Variants in CADPS2 observed in about 807,000 individuals in gnomAD.
The protein encoded by CADPS2 is calcium-dependent secretion activator 2.
A neutral mutation model predicts 172.5 loss-of-function variants in CADPS2; 93 were observed. The observed-to-expected ratio is 0.54, with a 90% CI of 0.46 to 0.64. The LOEUF (loss-of-function observed/expected upper bound fraction) is 0.64. Among genes scored for constraint, CADPS2 ranks in the 30% least tolerant of loss-of-function variants. The pLI is 0.00. For synonymous variants in CADPS2, 546 were observed against 555.2 expected (o/e 0.98, Z 0.23); for missense variants, 1,420 against 1,565.9 (o/e 0.91, Z 1.57).
chr7:122,384,884 G>C (rs1391256976), intron 24 of CADPS2, among the ~76,000 whole-genome samples: 1 of 152,032 alleles, frequency 6.6e-6, no homozygotes, highest in Admixed American at 6.6e-5. Flanking sequence ...TCTTACAGGG[G>C]AGGATTTTTA....
intron 7 of CADPS2, among the ~76,000 whole-genome samples, chr7:122,576,983 A>G (rs946100500): frequency 1.3e-5 from 2 of 149,566 alleles, no homozygotes; most frequent in South Asian, 4.3e-4. Context: ...CTGGTCTTGA[A>G]CTCCTGACCT....
intron 3 of CADPS2, among the ~76,000 whole-genome samples, chr7:122,650,094 A>C (rs1014319714): frequency 1.3e-5 from 2 of 151,164 alleles, no homozygotes. Context: ...TATTTTTAGT[A>C]GAGACAGGTT....
chr7:122,385,771 T>G (rs1227259284), intron 24 of CADPS2, among the ~76,000 whole-genome samples: 4 of 152,046 alleles, frequency 2.6e-5, no homozygotes, highest in Non-Finnish European at 5.9e-5. Context: ...GTATCACTGG[T>G]GGGCTTGTAC....
At chr7:122,612,796 T>C (rs1213203192) in intron 6 of CADPS2, among the ~76,000 whole-genome samples, 1 of 152,058 alleles carries the variant, frequency 6.6e-6, no homozygotes, top group African/African-American at 2.4e-5. Flanking sequence ...GTTACTGCAA[T>C]GGTAGAGCAA....
intron 22 of CADPS2, among the ~76,000 whole-genome samples, chr7:122,390,602 T>C (rs897844637): frequency 2.6e-5 from 4 of 152,084 alleles, no homozygotes; most frequent in African/African-American, 4.8e-5. Flanking sequence ...GCAATCTTCA[T>C]AGAGAATATG....
chr7:122,560,927 G>A (rs1050165905), intron 7 of CADPS2, among the ~76,000 whole-genome samples: 2 of 151,900 alleles, frequency 1.3e-5, no homozygotes, highest in African/African-American at 4.8e-5. Flanking sequence ...ATTAATATTT[G>A]CCCCAATATC....
At chr7:122,729,005 C>G (rs759778543) in intron 2 of CADPS2, among the ~76,000 whole-genome samples, 1 of 151,774 alleles carries the variant, frequency 6.6e-6, no homozygotes, top group Admixed American at 6.6e-5. Flanking sequence ...CCCAACCTCT[C>G]TTTACCCTCT....
chr7:122,852,239 T>C (rs2141121202), intron 1 of CADPS2, among the ~76,000 whole-genome samples: 1 of 152,356 alleles, frequency 6.6e-6, no homozygotes, highest in Non-Finnish European at 1.5e-5. Flanking sequence ...TAGGAAGGAC[T>C]CTACCTAGGA....
intron 27 of CADPS2, among the ~76,000 whole-genome samples, chr7:122,347,561 A>AT (rs1394844774): frequency 6.6e-6 from 1 of 152,144 alleles, no homozygotes; most frequent in African/African-American, 2.4e-5. Context: ...TAACTATATA[A>AT]ATGTCTTTAC....
chr7:122,562,851 A>C (rs1416721002), intron 7 of CADPS2, among the ~76,000 whole-genome samples: 1 of 152,136 alleles, frequency 6.6e-6, no homozygotes, highest in African/African-American at 2.4e-5. Flanking sequence ...TAATGTAGTT[A>C]AAGTTTTGAC....
intron 2 of CADPS2, among the ~76,000 whole-genome samples, chr7:122,668,292 T>C (rs2081390983): frequency 6.6e-6 from 1 of 151,344 alleles, no homozygotes; most frequent in Non-Finnish European, 1.5e-5. Flanking sequence ...AAATAAAGAA[T>C]ATAGGTGGAA....
intron 2 of CADPS2, among the ~76,000 whole-genome samples, chr7:122,673,234 T>C (rs907898016): frequency 4.6e-5 from 7 of 152,210 alleles, no homozygotes; most frequent in African/African-American, 1.4e-4. Flanking sequence ...CAGCGGGGAA[T>C]GGGACCCCAG....
chr7:122,471,714 G>A (rs2055973491), intron 13 of CADPS2, among the ~76,000 whole-genome samples, 152 bp from the exon 14 acceptor site: 1 of 152,172 alleles, frequency 6.6e-6, no homozygotes, highest in Non-Finnish European at 1.5e-5. Context: ...AAGAGCTAAT[G>A]TCATCAATTT....
chr7:122,699,456 A>G (rs763922792), intron 2 of CADPS2, among the ~76,000 whole-genome samples: 1 of 152,218 alleles, frequency 6.6e-6, no homozygotes, highest in African/African-American at 2.4e-5. Context: ...AAAAAGGATA[A>G]TTAAAAATTA....
intron 1 of CADPS2, among the ~76,000 whole-genome samples, chr7:122,778,902 A>C (rs2093963174): frequency 1.3e-5 from 2 of 152,202 alleles, no homozygotes; most frequent in African/African-American, 4.8e-5. Context: ...CCCAAATCTC[A>C]TCTTGAATTG....
chr7:122,670,509 T>C (rs1450964288), intron 2 of CADPS2, among the ~76,000 whole-genome samples: 1 of 151,934 alleles, frequency 6.6e-6, no homozygotes, highest in Non-Finnish European at 1.5e-5. Context: ...AGTTCTTTTT[T>C]TTTTTTGAGA....
chr7:122,605,620 C>A (rs1349469204), intron 6 of CADPS2, among the ~76,000 whole-genome samples: 2 of 152,036 alleles, frequency 1.3e-5, no homozygotes, highest in African/African-American at 4.8e-5. Flanking sequence ...CTATTAATGA[C>A]CTTATCAAAA....
intron 1 of CADPS2, among the ~76,000 whole-genome samples, chr7:122,863,677 G>C (rs1817546932): frequency 6.6e-6 from 1 of 152,194 alleles, no homozygotes; most frequent in Non-Finnish European, 1.5e-5. Flanking sequence ...GACAAATGTA[G>C]TTGATCTTGA....
intron 20 of CADPS2, 71 bp from the exon 21 acceptor site, chr7:122,393,653 A>T: frequency 6.5e-7 from 1 of 1,542,756 alleles, no homozygotes. Context: ...ATGGGCCAAA[A>T]AAACACGTTT....
Sources: gnomAD v4.1 joint callset for allele counts (sites outside exome capture counted in the v4.1 genomes callset) on GRCh38, gnomAD v4.1.1 for gene constraint, MANE v1.5 for transcripts, NCBI Gene and HGNC (gene_info 2026-07-23, HGNC 2026-07-21) for gene names.